Variants in MAD1L1 observed in about 807,000 individuals in gnomAD.
MAD1L1 encodes the protein mitotic arrest deficient 1 like 1.
In MAD1L1, 95 loss-of-function variants were observed where a neutral mutation model predicts 96.9. The observed-to-expected ratio is 0.98, with a 90% CI of 0.83 to 1.16. The LOEUF is 1.16. MAD1L1 is among the 50% of genes most tolerant of loss of function. MAD1L1 has a pLI of 0.00. For synonymous variants in MAD1L1, 473 were observed against 396.6 expected, an observed-to-expected ratio of 1.19 and a Z score of -2.29; for missense variants, 1,007 against 954.4, an observed-to-expected ratio of 1.06 and a Z score of -0.73.
chr7:2,172,710 G>A (rs1033681097), intron 10 of MAD1L1, among the ~76,000 whole-genome samples: 5 of 152,252 alleles, frequency 3.3e-5, no homozygotes, highest in African/African-American at 1.2e-4. Context: ...CCGTGGGACA[G>A]AGGTAAGGGA....
chr7:1,912,194 C>T (rs1445946384), intron 17 of MAD1L1, among the ~76,000 whole-genome samples: 1 of 152,232 alleles, frequency 6.6e-6, no homozygotes, highest in Non-Finnish European at 1.5e-5. Flanking sequence ...CCAGAACCAG[C>T]CAGCTCCGTG....
chr7:1,865,656 T>C (rs1784744217), intron 18 of MAD1L1, among the ~76,000 whole-genome samples: 1 of 152,248 alleles, frequency 6.6e-6, no homozygotes. Context: ...AACCAGAGGC[T>C]GTTCACACAA....
intron 18 of MAD1L1, among the ~76,000 whole-genome samples, chr7:1,858,032 T>C (rs1238951301): frequency 1.3e-5 from 2 of 152,256 alleles, no homozygotes; most frequent in African/African-American, 4.8e-5. Flanking sequence ...GTATTAATTA[T>C]GACGGAGTAA....
At chr7:2,144,355 C>G (rs574723859) in intron 11 of MAD1L1, among the ~76,000 whole-genome samples, 37 of 152,344 alleles carry the variant, frequency 2.4e-4, no homozygotes, top group Admixed American at 2.1e-3. Flanking sequence ...AGATGATACA[C>G]CTGAACCCTG....
chr7:2,032,146 A>C (rs914728158), intron 12 of MAD1L1, among the ~76,000 whole-genome samples: 14 of 152,186 alleles, frequency 9.2e-5, no homozygotes, highest in Non-Finnish European at 1.6e-4. Context: ...TTCATGCGGG[A>C]CGCCCGGCCC....
chr7:1,862,876 C>T (rs1050381471), intron 18 of MAD1L1, among the ~76,000 whole-genome samples: 3 of 152,246 alleles, frequency 2.0e-5, no homozygotes, highest in Non-Finnish European at 4.4e-5. Context: ...GGGCTCTGGG[C>T]CCACAGCTAC....
intron 14 of MAD1L1, among the ~76,000 whole-genome samples, chr7:1,990,585 T>C (rs1781364055): frequency 1.3e-5 from 2 of 152,264 alleles, no homozygotes; most frequent in African/African-American, 4.8e-5. Flanking sequence ...CCGGAGGGCA[T>C]GTCCCGGCCG....
At chr7:1,955,925 T>C (rs1562559918) in intron 16 of MAD1L1, among the ~76,000 whole-genome samples, 2 of 141,714 alleles carry the variant, frequency 1.4e-5, no homozygotes, top group Admixed American at 7.6e-5. Flanking sequence ...TTTTGCAGAG[T>C]AGTATAACTT....
At chr7:2,174,496 A>C (rs1387537781) in intron 10 of MAD1L1, among the ~76,000 whole-genome samples, 1 of 152,026 alleles carries the variant, frequency 6.6e-6, no homozygotes, top group African/African-American at 2.4e-5. Flanking sequence ...AGGGTTTTTC[A>C]ATTGTTTCAT....
chr7:2,066,030 T>C (rs959368931), intron 12 of MAD1L1, among the ~76,000 whole-genome samples: 1 of 152,234 alleles, frequency 6.6e-6, no homozygotes, highest in Non-Finnish European at 1.5e-5. Context: ...CTTAAAATAG[T>C]CATGATATTT....
chr7:1,919,697 A>T (rs542253455), intron 17 of MAD1L1, among the ~76,000 whole-genome samples: 2 of 152,354 alleles, frequency 1.3e-5, no homozygotes, highest in South Asian at 4.1e-4. Context: ...CCGTGATTGG[A>T]GTGAGCCACA....
intron 17 of MAD1L1, among the ~76,000 whole-genome samples, chr7:1,913,155 G>A (rs1455468319): frequency 6.6e-6 from 1 of 152,180 alleles, no homozygotes; most frequent in African/African-American, 2.4e-5. Context: ...ACCTGCTAAT[G>A]TAGGCAGCGA....
chr7:1,838,516 A>C (rs1783054473), intron 18 of MAD1L1: 1 of 331,232 alleles, frequency 3.0e-6, no homozygotes, highest in Non-Finnish European at 6.1e-6. Context: ...ATGGAGCGTC[A>C]GCACGTGGTC....
chr7:2,030,864 C>T (rs1345810040), intron 12 of MAD1L1, among the ~76,000 whole-genome samples: 3 of 152,222 alleles, frequency 2.0e-5, no homozygotes, highest in African/African-American at 4.8e-5. Context: ...CAACCTTGCT[C>T]AGAGCTTGAT....
chr7:1,868,304 A>C (rs1012671879), intron 18 of MAD1L1, among the ~76,000 whole-genome samples: 17 of 152,194 alleles, frequency 1.1e-4, no homozygotes, highest in Non-Finnish European at 2.2e-4. Context: ...CTGAGATTTC[A>C]AGTCACTGCC....
At chr7:1,899,570 C>T (rs759753619) in intron 17 of MAD1L1, among the ~76,000 whole-genome samples, 8 of 152,188 alleles carry the variant, frequency 5.3e-5, no homozygotes, top group Non-Finnish European at 1.0e-4. Context: ...CAACCATGGC[C>T]ATATGGTTGG....
At chr7:2,073,457 G>A (rs777120048) in intron 11 of MAD1L1, among the ~76,000 whole-genome samples, 9 of 152,018 alleles carry the variant, frequency 5.9e-5, no homozygotes, top group Non-Finnish European at 1.0e-4. Context: ...CCCTCCTCTT[G>A]CCCCTACCCT....
intron 12 of MAD1L1, among the ~76,000 whole-genome samples, chr7:2,025,474 G>C (rs1782957280): frequency 6.6e-6 from 1 of 152,188 alleles, no homozygotes; most frequent in South Asian, 2.1e-4. Context: ...AAAAATAAAA[G>C]TGAATTAAAT....
At chr7:1,995,803 A>C (rs1781528568) in intron 14 of MAD1L1, among the ~76,000 whole-genome samples, 1 of 152,194 alleles carries the variant, frequency 6.6e-6, no homozygotes, top group Admixed American at 6.5e-5. Flanking sequence ...GCCACCAGCC[A>C]TACAGAACCC....
Sources: allele counts gnomAD v4.1 joint callset (sites outside exome capture counted in the v4.1 genomes callset), GRCh38; gene constraint gnomAD v4.1.1; transcripts MANE v1.5; gene names NCBI Gene and HGNC (gene_info 2026-07-23, HGNC 2026-07-21).